Variants in BABAM2 observed in about 807,000 individuals in gnomAD.
BABAM2 encodes the protein BRISC and BRCA1-A complex member 2.
A neutral mutation model predicts 54.7 loss-of-function variants in BABAM2; 31 were observed. The observed-to-expected ratio is 0.57, with a 90% CI of 0.43 to 0.77. BABAM2 has a LOEUF of 0.77. Among genes scored for constraint, BABAM2 ranks in the 30% least tolerant of loss-of-function variants. The pLI is 0.00. For synonymous variants in BABAM2, 167 were observed against 162.9 expected (o/e 1.03, Z -0.19); for missense variants, 364 against 455.8 (o/e 0.80, Z 1.83).
At chr2:28,300,932 G>C (rs1232518825) in intron 11 of BABAM2, among the ~76,000 whole-genome samples, 1 of 152,108 alleles carries the variant, frequency 6.6e-6, no homozygotes, top group Non-Finnish European at 1.5e-5. Context: ...AGAAGAAATA[G>C]TTTAAGTTTC....
At chr2:28,192,144 C>T (rs1192119296) in intron 7 of BABAM2, among the ~76,000 whole-genome samples, 1 of 152,142 alleles carries the variant, frequency 6.6e-6, no homozygotes, top group Non-Finnish European at 1.5e-5. Context: ...ACGCTATTCT[C>T]CTGCCTCAGC....
intron 7 of BABAM2, among the ~76,000 whole-genome samples, chr2:28,221,083 G>A (rs1009059525): frequency 1.3e-5 from 2 of 151,302 alleles, no homozygotes; most frequent in Admixed American, 1.3e-4. Flanking sequence ...TTTCACCACC[G>A]CTGCTTCTCT....
intron 8 of BABAM2, among the ~76,000 whole-genome samples, chr2:28,239,221 T>C (rs1040495141): frequency 6.6e-6 from 1 of 152,214 alleles, no homozygotes; most frequent in African/African-American, 2.4e-5. Context: ...TTTTATAAAT[T>C]GACATAAACC....
chr2:27,937,822 A>G (rs545090031), intron 3 of BABAM2, among the ~76,000 whole-genome samples: 1 of 152,252 alleles, frequency 6.6e-6, no homozygotes, highest in African/African-American at 2.4e-5. Context: ...GATGTAATCT[A>G]TATATTTTTG....
rs568872955 is a variant in BABAM2, at chr2:28,213,185, C to A, written c.681-24017C>A. 5.9e-5 allele frequency among the ~76,000 whole-genome samples: 9 copies of A among 151,760 alleles called. No individual in the cohort carries two copies. In the South Asian group the frequency reaches 1.9e-3, roughly 31 times the overall value. ...GAGGTTGCTGTGAGCCCAGATCATG[C>A]TACTGGACTCCACCTGGGTGACAGA... On this transcript the variant is annotated intron_variant, in intron 7 of 11. Transcript: ENST00000379624.
chr2:28,189,892 A>G (rs933408951), intron 7 of BABAM2, among the ~76,000 whole-genome samples: 2 of 152,240 alleles, frequency 1.3e-5, no homozygotes, highest in Admixed American at 1.3e-4. Flanking sequence ...AATACTTACT[A>G]TAAAGCTACA....
At chr2:27,926,240 T>A (rs1667697603) in intron 2 of BABAM2, among the ~76,000 whole-genome samples, 1 of 152,162 alleles carries the variant, frequency 6.6e-6, no homozygotes, top group Admixed American at 6.5e-5. Flanking sequence ...TGTCCCTTCC[T>A]TTTGCCCCTC....
intron 10 of BABAM2, among the ~76,000 whole-genome samples, chr2:28,289,082 A>G (rs1273801263): frequency 6.6e-6 from 1 of 151,614 alleles, no homozygotes; most frequent in Admixed American, 6.6e-5. Context: ...ACACACACAC[A>G]CGATTATGTA....
intron 3 of BABAM2, among the ~76,000 whole-genome samples, chr2:27,963,469 CAAAAAAAAAA>C (rs760525051): frequency 1.5e-3 from 79 of 54,404 alleles, no homozygotes; most frequent in Non-Finnish European, 2.8e-3. Flanking sequence ...GACTCTTTCT[CAAAAAAAAAA>C]AAAAAAAAAA....
At chr2:28,097,430 A>G (rs1666723951) in intron 6 of BABAM2, among the ~76,000 whole-genome samples, 1 of 152,200 alleles carries the variant, frequency 6.6e-6, no homozygotes, top group Admixed American at 6.5e-5. Flanking sequence ...TAGTTATATA[A>G]TGATACCTTA....
At chr2:28,104,877 A>G (rs1458169458) in intron 6 of BABAM2, among the ~76,000 whole-genome samples, 2 of 152,222 alleles carry the variant, frequency 1.3e-5, no homozygotes, top group African/African-American at 4.8e-5. Context: ...TGATGAGTTC[A>G]TGTCCTTTGT....
intron 7 of BABAM2, among the ~76,000 whole-genome samples, chr2:28,216,023 A>G (rs1339752322): frequency 6.6e-6 from 1 of 152,136 alleles, no homozygotes; most frequent in Non-Finnish European, 1.5e-5. Context: ...AATGACATTA[A>G]CCTCTAAAAG....
At position 28,131,343 on chromosome 2, in the gene BABAM2, A is replaced by G. The variant is rs1410187795; in HGVS notation, c.680+1963A>G. 8.2e-5 allele frequency among the ~76,000 whole-genome samples: 3 copies of G among 36,366 alleles called. 1 individual carries two copies. The highest frequency in any genetic ancestry group is 4.0e-4 in the Admixed American group (2 of 5,046). 23.9% of individuals were successfully genotyped at this position (36,366 alleles called of 152,430 possible). ...TGATCCGCCCGCCTCGGCCTCCCAAAGTGCTGGGATTACAGGCGTGAGCCA... is the reference window on the plus strand; with the variant it reads ...TGATCCGCCCGCCTCGGCCTCCCAAGGTGCTGGGATTACAGGCGTGAGCCA... On this transcript the variant is annotated intron_variant, in intron 7 of 11. Coordinates refer to ENST00000379624, the MANE Select transcript of BABAM2 (RefSeq NM_199191.3).
chr2:28,279,028 T>G (rs1334260459), intron 10 of BABAM2, among the ~76,000 whole-genome samples: 2 of 151,790 alleles, frequency 1.3e-5, no homozygotes, highest in Non-Finnish European at 1.5e-5. Flanking sequence ...AAAAGAAGAG[T>G]AAATGGGCAA....
intron 4 of BABAM2, among the ~76,000 whole-genome samples, chr2:28,021,602 TGTCA>T (rs987483102): frequency 7.2e-5 from 11 of 152,248 alleles, no homozygotes; most frequent in Admixed American, 5.9e-4. Context: ...TTTCATATAT[TGTCA>T]GTCTCTTTTA....
At chr2:28,082,546 G>A (rs74882377) in intron 6 of BABAM2, among the ~76,000 whole-genome samples, 934 of 152,268 alleles carry the variant, frequency 6.1e-3, no homozygotes, top group Non-Finnish European at 0.011. Flanking sequence ...GTCTCACAGT[G>A]TTAAGTTGTG....
At chr2:27,978,490 A>ATC (rs1671754335) in intron 3 of BABAM2, among the ~76,000 whole-genome samples, 1 of 152,154 alleles carries the variant, frequency 6.6e-6, no homozygotes. Context: ...TGTTGAGACT[A>ATC]TCTCCTTCAA....
intron 11 of BABAM2, among the ~76,000 whole-genome samples, chr2:28,298,773 C>T (rs1357046357): frequency 2.6e-5 from 4 of 152,190 alleles, no homozygotes; most frequent in Non-Finnish European, 5.9e-5. Context: ...AGCTGATCTA[C>T]ATCTGAAAGT....
At chr2:27,950,952 T>C (rs1281235873) in intron 3 of BABAM2, among the ~76,000 whole-genome samples, 1 of 152,198 alleles carries the variant, frequency 6.6e-6, no homozygotes, top group Non-Finnish European at 1.5e-5. Flanking sequence ...CATAAATTTT[T>C]TTTATTCTTT....
Sources: gnomAD v4.1 joint callset for allele counts (sites outside exome capture counted in the v4.1 genomes callset) on GRCh38, gnomAD v4.1.1 for gene constraint, MANE v1.5 for transcripts, NCBI Gene and HGNC (gene_info 2026-07-23, HGNC 2026-07-21) for gene names.